Variants in GOLM2 observed in about 807,000 individuals in gnomAD.
GOLM2 encodes the protein golgi membrane protein 2.
Under a neutral mutation model 55.9 loss-of-function variants are expected in GOLM2, and 26 were observed. The ratio of observed to expected loss-of-function variants is 0.47; its 90% CI spans 0.34 to 0.65. The LOEUF is 0.65. GOLM2 is among the 30% of genes least tolerant of loss of function. The probability of loss-of-function intolerance (pLI) is 0.01; values close to 1 mark genes in which losing one functional copy is unlikely to be tolerated. For missense variants in GOLM2, 486 were observed against 531.8 expected, an observed-to-expected ratio of 0.91 and a Z score of 0.85; for synonymous variants, 165 against 194.6, an observed-to-expected ratio of 0.85 and a Z score of 1.27.
chr15:44,398,977 T>C (rs1305513551), intron 8 of GOLM2, among the ~76,000 whole-genome samples: 1 of 152,142 alleles, frequency 6.6e-6, no homozygotes, highest in Non-Finnish European at 1.5e-5. Context: ...CCCGTAATTA[T>C]CTGTAATTTG....
chr15:44,330,584 A>C (rs1445462790), intron 3 of GOLM2, among the ~76,000 whole-genome samples: 5 of 151,626 alleles, frequency 3.3e-5, no homozygotes, highest in Non-Finnish European at 5.9e-5. Flanking sequence ...TCCCAAAACT[A>C]GCTGGGTATG....
intron 6 of GOLM2, among the ~76,000 whole-genome samples, chr15:44,362,210 A>C (rs1335247897): frequency 6.6e-6 from 1 of 151,290 alleles, no homozygotes; most frequent in Admixed American, 6.6e-5. Flanking sequence ...TAGGCAGGAG[A>C]AGGAAATAAA....
At chr15:44,303,264 A>G (rs1176568222) in intron 1 of GOLM2, among the ~76,000 whole-genome samples, 1 of 152,186 alleles carries the variant, frequency 6.6e-6, no homozygotes, top group Admixed American at 6.5e-5. Flanking sequence ...GGGTGCATAA[A>G]TATGTACTAG....
intron 8 of GOLM2, among the ~76,000 whole-genome samples, chr15:44,398,881 T>C (rs1459780179): frequency 2.0e-5 from 3 of 151,940 alleles, no homozygotes; most frequent in Non-Finnish European, 4.4e-5. Context: ...TTGGCCAGGC[T>C]GGTCTCAAAC....
intron 6 of GOLM2, among the ~76,000 whole-genome samples, chr15:44,351,437 C>T (rs928107132): frequency 3.3e-5 from 5 of 151,540 alleles, no homozygotes; most frequent in South Asian, 2.1e-4. Context: ...ATTAGCCGGG[C>T]GTGGTGGCGG....
intron 2 of GOLM2, among the ~76,000 whole-genome samples, chr15:44,326,913 A>G (rs948544271): frequency 1.0e-4 from 15 of 150,334 alleles, no homozygotes; most frequent in Non-Finnish European, 2.1e-4. Context: ...CGGCCCCCCA[A>G]AGTGCTGGTA....
intron 6 of GOLM2, among the ~76,000 whole-genome samples, chr15:44,340,311 T>C (rs1023204726): frequency 1.3e-5 from 2 of 152,246 alleles, no homozygotes; most frequent in Middle Eastern, 3.4e-3. Context: ...TCTCATTCTG[T>C]TGCCCAGGCT....
chr15:44,309,506 C>A (rs761652052), intron 1 of GOLM2, among the ~76,000 whole-genome samples: 3 of 152,048 alleles, frequency 2.0e-5, no homozygotes, highest in African/African-American at 7.2e-5. Flanking sequence ...TAAAAAAATT[C>A]TATGAGATTC....
intron 1 of GOLM2, among the ~76,000 whole-genome samples, chr15:44,299,418 G>C (rs916727974): frequency 1.3e-5 from 2 of 151,514 alleles, no homozygotes; most frequent in African/African-American, 4.8e-5. Flanking sequence ...TCTTCCTTCC[G>C]AGTAGCTGGG....
chr15:44,311,951 T>C (rs1343354754), intron 1 of GOLM2, among the ~76,000 whole-genome samples: 1 of 152,080 alleles, frequency 6.6e-6, no homozygotes, highest in Non-Finnish European at 1.5e-5. Flanking sequence ...TGCCAAGTCG[T>C]TAACATAGGA....
At chr15:44,383,008 A>G (rs923004814) in intron 8 of GOLM2, among the ~76,000 whole-genome samples, 1 of 151,168 alleles carries the variant, frequency 6.6e-6, no homozygotes, top group Middle Eastern at 3.5e-3. Flanking sequence ...GTATATGGAG[A>G]GTTGAAATCA....
chr15:44,375,123 C>T (rs1314744732), intron 6 of GOLM2, among the ~76,000 whole-genome samples: 6 of 152,100 alleles, frequency 3.9e-5, no homozygotes, highest in Admixed American at 3.3e-4. Context: ...TGGGTTCAAG[C>T]GATTCTCCTG....
chr15:44,327,379 A>G (rs2078991149), intron 2 of GOLM2, among the ~76,000 whole-genome samples: 1 of 151,848 alleles, frequency 6.6e-6, no homozygotes, highest in Non-Finnish European at 1.5e-5. Flanking sequence ...AAATAGTGAG[A>G]CCATCTCTAT....
chr15:44,326,897 C>G (rs957109705), intron 2 of GOLM2, among the ~76,000 whole-genome samples: 1 of 150,886 alleles, frequency 6.6e-6, no homozygotes, highest in African/African-American at 2.4e-5. Flanking sequence ...TGTGATCCAC[C>G]CTTCTCGGCC....
chr15:44,411,939 G>A (rs938487632), intron 9 of GOLM2, among the ~76,000 whole-genome samples: 3 of 152,076 alleles, frequency 2.0e-5, no homozygotes, highest in East Asian at 1.9e-4. Context: ...GGCTGAGGCC[G>A]GTGGATCACT....
intron 6 of GOLM2, 72 bp from the exon 7 acceptor site, chr15:44,379,618 G>GTGTT: frequency 9.6e-5 from 41 of 428,358 alleles, no homozygotes; most frequent in East Asian, 1.8e-4. Context: ...ATTCACGGTG[G>GTGTT]TTTTTTTTTT....
At position 44,289,360 on chromosome 15, in the gene GOLM2, A is replaced by G; in HGVS notation, c.327+4A>G. On this transcript the variant is annotated splice_donor_region_variant and intron_variant, in intron 1 of 9. Transcript: ENST00000299957. The surrounding 1 kb of genome is among the most constrained non-coding windows in gnomAD (Gnocchi z 4.8). ...GAAGAGATGCGAGGATGACAAGGTA[A>G]GGACGACCCTTTTCTCTTCAAACCC... 1 of 1,608,232 alleles carries G rather than the reference A, an allele frequency of 6.2e-7. No individual in the cohort carries two copies. The highest frequency in any genetic ancestry group is 8.5e-7 in the Non-Finnish European group (1 of 1,177,406).
At chr15:44,329,971 C>G (rs1312633107) in intron 3 of GOLM2, among the ~76,000 whole-genome samples, 1 of 146,318 alleles carries the variant, frequency 6.8e-6, no homozygotes, top group Non-Finnish European at 1.5e-5. Context: ...AATGCAGTGG[C>G]GCGATCTTGG....
At chr15:44,369,693 TACACACACAC>T (rs3986148) in intron 6 of GOLM2, among the ~76,000 whole-genome samples, 29 of 143,518 alleles carry the variant, frequency 2.0e-4, no homozygotes, top group African/African-American at 5.8e-4. Flanking sequence ...TATATATGCA[TACACACACAC>T]ACACACACAC....
Sources: allele counts gnomAD v4.1 joint callset (sites outside exome capture counted in the v4.1 genomes callset), GRCh38; gene constraint gnomAD v4.1.1; non-coding constraint Gnocchi (gnomAD v3.1); transcripts MANE v1.5; gene names NCBI Gene and HGNC (gene_info 2026-07-23, HGNC 2026-07-21).